Variants in PTPRD observed in about 807,000 individuals in gnomAD.
PTPRD encodes the protein receptor-type tyrosine-protein phosphatase delta.
PTPRD carries 34 observed loss-of-function variants against 214.5 expected under a neutral mutation model. The ratio of observed to expected loss-of-function variants is 0.16; its 90% CI spans 0.12 to 0.21. PTPRD has a LOEUF of 0.21. PTPRD is among the 10% of genes least tolerant of loss of function. The pLI is 1.00. For synonymous variants in PTPRD, 1,128 were observed against 845.7 expected, an observed-to-expected ratio of 1.33 and a Z score of -5.79; for missense variants, 2,545 against 2,398.7, an observed-to-expected ratio of 1.06 and a Z score of -1.27.
At chr9:10,600,612 G>C (rs1187915507) in intron 2 of PTPRD, among the ~76,000 whole-genome samples, 2 of 151,820 alleles carry the variant, frequency 1.3e-5, no homozygotes, top group Non-Finnish European at 2.9e-5. Context: ...TGGCAGGGGA[G>C]ACACAACATA....
intron 11 of PTPRD, among the ~76,000 whole-genome samples, chr9:8,982,134 C>G (rs1250430430): frequency 6.6e-6 from 1 of 151,972 alleles, no homozygotes; most frequent in Non-Finnish European, 1.5e-5. Context: ...TTAATAATTT[C>G]ACATTGTTAA....
chr9:10,492,545 G>C (rs1341696837), intron 2 of PTPRD, among the ~76,000 whole-genome samples: 4 of 151,786 alleles, frequency 2.6e-5, no homozygotes, highest in Non-Finnish European at 5.9e-5. Flanking sequence ...CCTTTGCCCA[G>C]TTTTTGATGG....
At chr9:8,764,792 AAATAAT>A (rs1379977816) in intron 11 of PTPRD, among the ~76,000 whole-genome samples, 1 of 127,152 alleles carries the variant, frequency 7.9e-6, no homozygotes, top group East Asian at 2.2e-4. Flanking sequence ...GTTTGTCTCA[AAATAAT>A]AATAATAATG....
chr9:9,675,786 A>C (rs1295190862), intron 7 of PTPRD, among the ~76,000 whole-genome samples: 1 of 152,000 alleles, frequency 6.6e-6, no homozygotes, highest in Non-Finnish European at 1.5e-5. Context: ...AAGCGTCCCA[A>C]TTCATTCAGT....
At chr9:9,072,029 A>G (rs1027239476) in intron 10 of PTPRD, among the ~76,000 whole-genome samples, 1 of 152,110 alleles carries the variant, frequency 6.6e-6, no homozygotes, top group Admixed American at 6.5e-5. Flanking sequence ...GCCAGACCGA[A>G]GAAGTGATTG....
At chr9:9,873,303 G>T (rs2065974088) in intron 5 of PTPRD, among the ~76,000 whole-genome samples, 1 of 151,998 alleles carries the variant, frequency 6.6e-6, no homozygotes, top group African/African-American at 2.4e-5. Context: ...CATTAGCCTT[G>T]GGTGGCTAAC....
intron 5 of PTPRD, among the ~76,000 whole-genome samples, chr9:9,806,603 C>T (rs909443936): frequency 3.3e-5 from 5 of 152,090 alleles, no homozygotes; most frequent in South Asian, 2.1e-4. Context: ...CAATGATAAT[C>T]CCACCACCCT....
chr9:8,828,127 G>A (rs1430534531), intron 11 of PTPRD, among the ~76,000 whole-genome samples: 3 of 152,168 alleles, frequency 2.0e-5, no homozygotes, highest in South Asian at 2.1e-4. Flanking sequence ...GAAGTACACA[G>A]AGCTTGATGG....
At chr9:10,401,070 T>C (rs748163136) in intron 2 of PTPRD, among the ~76,000 whole-genome samples, 4 of 151,722 alleles carry the variant, frequency 2.6e-5, no homozygotes, top group Non-Finnish European at 5.9e-5. Flanking sequence ...ATATTAAATA[T>C]AAAATGCTTT....
At chr9:8,697,628 G>T (rs1048258747) in intron 12 of PTPRD, among the ~76,000 whole-genome samples, 4 of 150,166 alleles carry the variant, frequency 2.7e-5, no homozygotes, top group Admixed American at 6.7e-5. Flanking sequence ...TCACCATGTT[G>T]GCCAGGCTAG....
At chr9:10,362,468 T>C (rs1026458823) in intron 2 of PTPRD, among the ~76,000 whole-genome samples, 7 of 152,064 alleles carry the variant, frequency 4.6e-5, no homozygotes, top group South Asian at 2.1e-4. Context: ...CAAAAGAATA[T>C]GTAGAAGGTT....
At chr9:9,801,823 T>C (rs1386066835) in intron 5 of PTPRD, among the ~76,000 whole-genome samples, 1 of 152,054 alleles carries the variant, frequency 6.6e-6, no homozygotes, top group African/African-American at 2.4e-5. Flanking sequence ...CCGTTGTCTA[T>C]AAATCAGAAG....
chr9:9,982,011 C>T (rs892489312), intron 4 of PTPRD, among the ~76,000 whole-genome samples: 8 of 152,114 alleles, frequency 5.3e-5, no homozygotes, highest in African/African-American at 1.9e-4. Flanking sequence ...AGTAAATGAG[C>T]AATGATAATT....
intron 8 of PTPRD, among the ~76,000 whole-genome samples, chr9:9,467,488 G>A (rs2094272946): frequency 6.7e-6 from 1 of 149,108 alleles, no homozygotes; most frequent in South Asian, 2.1e-4. Flanking sequence ...TCGAGAGGCT[G>A]AGGCAGTAGA....
chr9:9,629,514 G>T (rs551863922), intron 7 of PTPRD, among the ~76,000 whole-genome samples: 2 of 152,002 alleles, frequency 1.3e-5, no homozygotes, highest in Non-Finnish European at 2.9e-5. Flanking sequence ...TAGACTTGTG[G>T]CTAAGACCTA....
chr9:9,854,519 G>GAA (rs5896353), intron 5 of PTPRD, among the ~76,000 whole-genome samples: 16 of 149,528 alleles, frequency 1.1e-4, no homozygotes, highest in Admixed American at 9.3e-4. Context: ...TTTTTTCTCA[G>GAA]AAAAAAAAAG....
chr9:8,357,746 G>A (rs1422159161), intron 39 of PTPRD, among the ~76,000 whole-genome samples: 3 of 152,112 alleles, frequency 2.0e-5, no homozygotes, highest in Non-Finnish European at 4.4e-5. Context: ...AAGATATTGG[G>A]AATAGGATGC....
chr9:10,250,672 T>G lies in PTPRD; in HGVS notation c.-545+90291A>C, dbSNP rs147976477. 4.0e-3 allele frequency among the ~76,000 whole-genome samples: 608 copies of G among 152,116 alleles called. 7 individuals are homozygous for G. The highest frequency in any genetic ancestry group is 0.013 in the African/African-American group (558 of 41,536). On this transcript the variant is annotated intron_variant, in intron 3 of 45. Transcript: ENST00000381196. ...TAAGTCAAAGGAAAAAATAGATAAT[T>G]TTTTATCACTTCAATTCTGGAACTA...
intron 9 of PTPRD, among the ~76,000 whole-genome samples, chr9:9,392,056 T>A (rs770459236): frequency 6.6e-6 from 1 of 152,124 alleles, no homozygotes; most frequent in Non-Finnish European, 1.5e-5. Context: ...TTTATAGTCC[T>A]AGAGACAAAT....
Sources: gnomAD v4.1 joint callset for allele counts (sites outside exome capture counted in the v4.1 genomes callset) on GRCh38, gnomAD v4.1.1 for gene constraint, MANE v1.5 for transcripts, NCBI Gene and HGNC (gene_info 2026-07-23, HGNC 2026-07-21) for gene names.